TDRP: variants seen among roughly 807,000 people sequenced by gnomAD.
TDRP encodes the protein testis development-related protein.
TDRP carries 12 observed loss-of-function variants against 10.5 expected under a neutral mutation model. The ratio of observed to expected loss-of-function variants is 1.15; its 90% CI spans 0.73 to 1.86. The LOEUF (loss-of-function observed/expected upper bound fraction) is 1.86. Ranked by LOEUF, TDRP falls within the 40% of genes most tolerant of loss-of-function variation. The pLI, the probability that TDRP is intolerant of heterozygous loss-of-function variation, is 0.00. For missense variants in TDRP, 353 were observed against 229.2 expected (o/e 1.54, Z -3.49); for synonymous variants, 139 against 95.4 (o/e 1.46, Z -2.67).
chr8:501,235 G>C (rs538790284), intron 1 of TDRP, among the ~76,000 whole-genome samples: 2 of 152,086 alleles, frequency 1.3e-5, no homozygotes, highest in East Asian at 3.9e-4. Flanking sequence ...AAAAACATGA[G>C]CGTAATGCTC....
At chr8:507,744 G>C (rs1308437345) in intron 1 of TDRP, among the ~76,000 whole-genome samples, 2 of 152,258 alleles carry the variant, frequency 1.3e-5, no homozygotes, top group South Asian at 4.1e-4. Context: ...AATGGGAAAG[G>C]GGGAACAGTC....
chr8:525,250 CCAGA>C (rs1286334833), intron 1 of TDRP, among the ~76,000 whole-genome samples: 6 of 152,044 alleles, frequency 3.9e-5, no homozygotes, highest in Admixed American at 2.0e-4. Context: ...AAAGATCTTC[CCAGA>C]CAAACAAAAG....
chr8:519,036 T>C (rs1801828585), intron 1 of TDRP, among the ~76,000 whole-genome samples: 1 of 150,124 alleles, frequency 6.7e-6, no homozygotes, highest in Non-Finnish European at 1.5e-5. Context: ...ACTAGAACTT[T>C]CAGCCCCACA....
chr8:493,026 A>T (rs779841563), intron 2 of TDRP, among the ~76,000 whole-genome samples: 3 of 152,226 alleles, frequency 2.0e-5, no homozygotes, highest in Admixed American at 1.3e-4. Context: ...AGAGAACCTC[A>T]AGGCAATAGG....
At chr8:538,552 A>C (rs901290125) in intron 1 of TDRP, among the ~76,000 whole-genome samples, 2 of 152,208 alleles carry the variant, frequency 1.3e-5, no homozygotes, top group Non-Finnish European at 2.9e-5. Flanking sequence ...CAAAACTGAT[A>C]CTTGGCTAGG....
chr8:498,785 G>C (rs1379282784), intron 1 of TDRP, among the ~76,000 whole-genome samples: 2 of 152,096 alleles, frequency 1.3e-5, no homozygotes, highest in Non-Finnish European at 2.9e-5. Flanking sequence ...GGACCTGGTG[G>C]GACGTGACTG....
intron 1 of TDRP, among the ~76,000 whole-genome samples, chr8:521,219 G>A (rs1031072339): frequency 1.3e-4 from 18 of 142,886 alleles, no homozygotes; most frequent in East Asian, 2.0e-4. Flanking sequence ...TGGCTAACAC[G>A]GTCAAACCCC....
rs763173990 is a variant in TDRP at position 492,733 on chromosome 8, C to T, written c.224G>A (p.Arg75Gln). 24 of 1,610,728 alleles carry T rather than the reference C, an allele frequency of 1.5e-5. No individual in the cohort carries two copies. The highest frequency in any genetic ancestry group is 2.2e-5 in the South Asian group (2 of 90,516). The part of the protein sequence containing the change: ...KSPKSKGTNL[R>Q]LKEELKAEKK... ...CTCTGCCTTCAACTCTTCTTTTAAT[C>T]GTAAGTTAGTTCTATAGGAGATGAA... The change falls in exon 3 of 3, where the codon CGA becomes CAA. Residue 75 changes from arginine (R) to glutamine (Q), a missense_variant. Coordinates refer to ENST00000324079, the MANE Select transcript of TDRP (RefSeq NM_001384899.1).
chr8:497,082 G>A (rs576814233), intron 1 of TDRP, among the ~76,000 whole-genome samples: 11 of 152,278 alleles, frequency 7.2e-5, no homozygotes, highest in African/African-American at 1.4e-4. Flanking sequence ...GAATTGGTAC[G>A]AGAGGAGTGC....
intron 1 of TDRP, among the ~76,000 whole-genome samples, chr8:529,540 T>C (rs984734015): frequency 1.3e-5 from 2 of 151,638 alleles, no homozygotes; most frequent in Non-Finnish European, 2.9e-5. Context: ...TAGCATTTCT[T>C]ACAAGGTAGA....
intron 1 of TDRP, among the ~76,000 whole-genome samples, chr8:506,090 G>A (rs1801457570): frequency 1.3e-5 from 2 of 152,174 alleles, no homozygotes; most frequent in African/African-American, 4.8e-5. Flanking sequence ...AAGACAGAGG[G>A]GCAGAGCCAC....
Position 544,820 on chromosome 8 carries a change from G to T in TDRP, c.-63C>A. 8.7e-7 allele frequency: 1 copy of T among 1,147,576 alleles called. No homozygotes were observed. Among genetic ancestry groups the T allele is most frequent in the Non-Finnish European group, 1.1e-6 (1 of 913,430 alleles). The allele number at this position is 1,147,576 out of a possible 1,614,324, so 71.1% of individuals were successfully genotyped here. A position where few individuals can be genotyped will look rare whatever the true frequency, so the allele number is the denominator to read the frequency against. ...GGGCTGTGGCTCCGCGTCCCTCCCG[G>T]CCGCCGGACGCTCTGCCTGCGGCTC... On this transcript the variant is annotated 5_prime_UTR_variant, in exon 1 of 3. Coordinates refer to ENST00000324079, the MANE Select transcript of TDRP (RefSeq NM_001384899.1).
At chr8:517,836 C>T (rs1383364688) in intron 1 of TDRP, among the ~76,000 whole-genome samples, 3 of 152,126 alleles carry the variant, frequency 2.0e-5, no homozygotes, top group Admixed American at 2.0e-4. Flanking sequence ...ATACATCTTA[C>T]TAAGTGAAAG....
At chr8:526,695 G>A (rs1045429513) in intron 1 of TDRP, among the ~76,000 whole-genome samples, 4 of 151,962 alleles carry the variant, frequency 2.6e-5, no homozygotes, top group Non-Finnish European at 5.9e-5. Context: ...TTTTATATGA[G>A]GGCAATACTA....
chr8:493,051 G>T (rs1425099083), intron 2 of TDRP, among the ~76,000 whole-genome samples: 1 of 152,196 alleles, frequency 6.6e-6, no homozygotes, highest in Non-Finnish European at 1.5e-5. Flanking sequence ...TGGTACTCAA[G>T]ATTTTGAGCA....
At chr8:519,180 G>A (rs1374343738) in intron 1 of TDRP, among the ~76,000 whole-genome samples, 1 of 152,142 alleles carries the variant, frequency 6.6e-6, no homozygotes, top group African/African-American at 2.4e-5. Context: ...CAGAGTTCTG[G>A]AGCTTCCAGG....
chr8:543,848 A>G (rs748339171), intron 1 of TDRP, among the ~76,000 whole-genome samples: 4 of 146,900 alleles, frequency 2.7e-5, no homozygotes, highest in Admixed American at 2.1e-4. Flanking sequence ...ACAGAAAGAG[A>G]TATTTTATGA....
intron 1 of TDRP, among the ~76,000 whole-genome samples, chr8:517,759 A>G (rs889765500): frequency 4.6e-5 from 7 of 152,218 alleles, no homozygotes; most frequent in African/African-American, 1.7e-4. Flanking sequence ...ATACAGCAAA[A>G]TTGTCATTGT....
intron 1 of TDRP, among the ~76,000 whole-genome samples, chr8:523,734 T>C (rs1032643246): frequency 6.7e-6 from 1 of 149,280 alleles, no homozygotes; most frequent in Non-Finnish European, 1.5e-5. Context: ...GAGGGAAGAG[T>C]GGGAAGGACT....
Sources: gnomAD v4.1 joint callset for allele counts (sites outside exome capture counted in the v4.1 genomes callset) on GRCh38, gnomAD v4.1.1 for gene constraint, MANE v1.5 for transcripts, NCBI Gene and HGNC (gene_info 2026-07-23, HGNC 2026-07-21) for gene names.